CUL4A: variants seen among roughly 807,000 people sequenced by gnomAD.
CUL4A encodes the protein cullin-4A.
In CUL4A, 16 loss-of-function variants were observed where a neutral mutation model predicts 95.5. That is an observed-to-expected ratio of 0.17 (90% CI 0.11 to 0.25). The LOEUF is 0.25. Among genes scored for constraint, CUL4A ranks in the 10% least tolerant of loss-of-function variants. The pLI is 1.00. For synonymous variants in CUL4A, 380 were observed against 353.1 expected (o/e 1.08, Z -0.85); for missense variants, 610 against 937.0 (o/e 0.65, Z 4.56).
intron 10 of CUL4A, 146 bp downstream of exon 10, chr13:113,239,697 A>G (rs1375470556): frequency 5.0e-6 from 3 of 598,428 alleles, no homozygotes; most frequent in South Asian, 4.5e-5. Context: ...TAGGGTGGAC[A>G]GTAGGCTTCC....
chr13:113,259,795 A>G (rs994477690), intron 18 of CUL4A, among the ~76,000 whole-genome samples: 13 of 152,258 alleles, frequency 8.5e-5, no homozygotes, highest in Non-Finnish European at 1.6e-4. Flanking sequence ...TTTTAAAAAT[A>G]TTTTTTAAGT....
At chr13:113,209,136 G>C (rs1424179756), upstream of CUL4A, among the ~76,000 whole-genome samples, 1 of 150,828 alleles carries the variant, frequency 6.6e-6, no homozygotes, top group Non-Finnish European at 1.5e-5. Context: ...GCACGTCCCG[G>C]CGCGCACCCC....
At chr13:113,225,784 A>G (rs577901415) in intron 3 of CUL4A, among the ~76,000 whole-genome samples, 1 of 152,262 alleles carries the variant, frequency 6.6e-6, no homozygotes, top group South Asian at 2.1e-4. Context: ...TGCACTTGGG[A>G]TGGGTTTTTT....
chr13:113,213,147 G>C (rs189199799), intron 2 of CUL4A, among the ~76,000 whole-genome samples: 3 of 152,102 alleles, frequency 2.0e-5, no homozygotes, highest in African/African-American at 4.8e-5. Context: ...CAGCACTTTG[G>C]GGGGCTGAGG....
At chr13:113,242,095 T>A (rs1205990381) in intron 10 of CUL4A, among the ~76,000 whole-genome samples, 1 of 152,038 alleles carries the variant, frequency 6.6e-6, no homozygotes, top group Admixed American at 6.6e-5. Flanking sequence ...GGCAGGCAGA[T>A]CATGAAGTCA....
chr13:113,221,582 T>C (rs938425459), intron 3 of CUL4A, among the ~76,000 whole-genome samples: 17 of 152,064 alleles, frequency 1.1e-4, no homozygotes, highest in African/African-American at 3.9e-4. Flanking sequence ...GTGTTATTTA[T>C]TTATTTATTT....
intron 4 of CUL4A, among the ~76,000 whole-genome samples, chr13:113,228,916 C>T (rs1411684449): frequency 6.6e-6 from 1 of 151,258 alleles, no homozygotes; most frequent in East Asian, 1.9e-4. Flanking sequence ...GTCAGGAGAT[C>T]GAGACCATCC....
intron 8 of CUL4A, among the ~76,000 whole-genome samples, chr13:113,236,610 G>A (rs577551794): frequency 9.8e-5 from 15 of 152,340 alleles, no homozygotes; most frequent in Middle Eastern, 6.8e-3. Flanking sequence ...GGGCCTGCTT[G>A]TGCTGTTCAG....
At chr13:113,237,694 C>T (rs546434991) in intron 9 of CUL4A, among the ~76,000 whole-genome samples, 12 of 152,018 alleles carry the variant, frequency 7.9e-5, no homozygotes, top group Non-Finnish European at 1.0e-4. Context: ...TTGGAAAATA[C>T]GAGACTTTTT....
At chr13:113,240,839 C>T (rs965028226) in intron 10 of CUL4A, among the ~76,000 whole-genome samples, 2 of 152,218 alleles carry the variant, frequency 1.3e-5, no homozygotes, top group Non-Finnish European at 2.9e-5. Context: ...GTGAAAAAGA[C>T]GGGTGCGCTG....
At chr13:113,247,850 G>A (rs954482877) in intron 15 of CUL4A, among the ~76,000 whole-genome samples, 1 of 152,248 alleles carries the variant, frequency 6.6e-6, no homozygotes. Flanking sequence ...CATTCATTCT[G>A]ATGTAATACT....
chr13:113,212,035 T>C (rs2040467788), intron 2 of CUL4A, among the ~76,000 whole-genome samples: 1 of 152,320 alleles, frequency 6.6e-6, no homozygotes, highest in South Asian at 2.1e-4. Flanking sequence ...GGAGTGTCAT[T>C]GTAGTTTTAG....
At chr13:113,233,558 G>C (rs931899441) in intron 6 of CUL4A, among the ~76,000 whole-genome samples, 1 of 152,126 alleles carries the variant, frequency 6.6e-6, no homozygotes, top group Non-Finnish European at 1.5e-5. Context: ...AAAATGCACG[G>C]ATAGATCAAT....
Position 113,209,669 on chromosome 13 carries a change from C to T in CUL4A, c.42C>T (p.Leu14=), listed in dbSNP as rs1650833755. 2.6e-6 allele frequency: 3 copies of T among 1,137,558 alleles called. No homozygotes were observed. The highest frequency in any genetic ancestry group is 2.2e-6 in the Non-Finnish European group (2 of 928,666). The allele number at this position is 1,137,558 out of a possible 1,614,324, so 70.5% of individuals were successfully genotyped here. A position where few individuals can be genotyped will look rare whatever the true frequency, so the allele number is the denominator to read the frequency against. The change falls in exon 1 of 20, where the codon CTC becomes CTT. Residue 14 remains leucine, a synonymous_variant. Transcript: ENST00000375440. ...CGCGGAAGGGCAGCTTCTCGGCGCTCGTGGGCCGCACCAACGGCCTCACCA... is the reference window on the plus strand; with the variant it reads ...CGCGGAAGGGCAGCTTCTCGGCGCTTGTGGGCCGCACCAACGGCCTCACCA... ...EAPRKGSFSA[L]VGRTNGLTKP...
intron 2 of CUL4A, among the ~76,000 whole-genome samples, chr13:113,216,901 C>T (rs1220795677): frequency 1.3e-5 from 2 of 152,142 alleles, no homozygotes; most frequent in Non-Finnish European, 2.9e-5. Context: ...ACCTGGGTTA[C>T]CCAGGGCTTG....
At chr13:113,243,522 G>A (rs2041778862) in intron 11 of CUL4A, among the ~76,000 whole-genome samples, 1 of 151,946 alleles carries the variant, frequency 6.6e-6, no homozygotes. Context: ...TTTTTAAGCT[G>A]TACAATTTTT....
upstream of CUL4A, chr13:113,208,747 G>A (rs2040169521): frequency 2.0e-6 from 3 of 1,478,000 alleles, no homozygotes; most frequent in Admixed American, 6.8e-5. Flanking sequence ...CGCCGCGGGT[G>A]CGCAGGTTGG....
chr13:113,236,600 G>C (rs1223115765), intron 8 of CUL4A, among the ~76,000 whole-genome samples: 1 of 152,226 alleles, frequency 6.6e-6, no homozygotes, highest in Non-Finnish European at 1.5e-5. Context: ...GCCCGCCCGT[G>C]GGCCTGCTTG....
upstream of CUL4A, chr13:113,209,591 G>C: frequency 1.0e-6 from 1 of 990,766 alleles, no homozygotes; most frequent in Non-Finnish European, 1.2e-6. Context: ...GGCGGGCGGC[G>C]GCGCTCGGGG....
Sources: allele counts gnomAD v4.1 joint callset (sites outside exome capture counted in the v4.1 genomes callset), GRCh38; gene constraint gnomAD v4.1.1; transcripts MANE v1.5; gene names NCBI Gene and HGNC (gene_info 2026-07-23, HGNC 2026-07-21).